The following MACROD2 variants were observed in gnomAD, a reference collection of about 807,000 sequenced individuals.
MACROD2 encodes the protein mono-ADP ribosylhydrolase 2.
Under a neutral mutation model 70.4 loss-of-function variants are expected in MACROD2, and 36 were observed. That is an observed-to-expected ratio of 0.51 (90% CI 0.39 to 0.68). MACROD2 has a LOEUF of 0.68. Ranked by LOEUF, MACROD2 falls within the 30% of genes least tolerant of loss-of-function variation. The pLI, the probability that MACROD2 is intolerant of heterozygous loss-of-function variation, is 0.00. For missense variants in MACROD2, 496 were observed against 538.4 expected, an observed-to-expected ratio of 0.92 and a Z score of 0.78; for synonymous variants, 172 against 178.8, an observed-to-expected ratio of 0.96 and a Z score of 0.30.
chr20:14,949,369 T>C (rs940748406), intron 5 of MACROD2, among the ~76,000 whole-genome samples: 8 of 152,184 alleles, frequency 5.3e-5, no homozygotes, highest in African/African-American at 1.9e-4. Flanking sequence ...TTTTAGCAAT[T>C]GCAAAGCTTT....
intron 3 of MACROD2, among the ~76,000 whole-genome samples, chr20:14,198,767 C>T (rs577676700): frequency 1.3e-5 from 2 of 152,162 alleles, no homozygotes; most frequent in East Asian, 3.9e-4. Context: ...TTCCTCTCTC[C>T]TTAAAACATG....
chr20:15,789,890 T>G (rs1274980122), intron 8 of MACROD2, among the ~76,000 whole-genome samples: 1 of 152,042 alleles, frequency 6.6e-6, no homozygotes, highest in Non-Finnish European at 1.5e-5. Context: ...ACAAAAGTGA[T>G]TCTACAGAAG....
chr20:15,105,891 G>A (rs1034269648), intron 5 of MACROD2, among the ~76,000 whole-genome samples: 7 of 152,118 alleles, frequency 4.6e-5, no homozygotes, highest in Admixed American at 2.0e-4. Flanking sequence ...ATTGAACAGC[G>A]TGGTGCCTAT....
intron 8 of MACROD2, among the ~76,000 whole-genome samples, chr20:15,681,944 A>T (rs1049488319): frequency 1.3e-5 from 2 of 152,158 alleles, no homozygotes; most frequent in African/African-American, 4.8e-5. Context: ...TCCCAAGGTG[A>T]TAGATTGGTG....
At chr20:15,670,561 T>G (rs1359169422) in intron 8 of MACROD2, among the ~76,000 whole-genome samples, 1 of 152,178 alleles carries the variant, frequency 6.6e-6, no homozygotes, top group Non-Finnish European at 1.5e-5. Flanking sequence ...ACAAATTCAT[T>G]TTTCATAAAT....
At chr20:15,519,116 T>A (rs2047613197) in intron 8 of MACROD2, among the ~76,000 whole-genome samples, 2 of 140,314 alleles carry the variant, frequency 1.4e-5, no homozygotes, top group South Asian at 2.5e-4. Context: ...CCTTCCTTCC[T>A]TCCTTTCTTT....
chr20:14,657,474 G>A (rs1477982537), intron 4 of MACROD2, among the ~76,000 whole-genome samples: 2 of 152,196 alleles, frequency 1.3e-5, no homozygotes, highest in Non-Finnish European at 2.9e-5. Flanking sequence ...ATACCAGCCA[G>A]AACTGTTACA....
At chr20:15,260,403 C>G (rs552319858) in intron 6 of MACROD2, among the ~76,000 whole-genome samples, 1 of 151,108 alleles carries the variant, frequency 6.6e-6, no homozygotes, top group African/African-American at 2.4e-5. Flanking sequence ...CTTTCTTTGC[C>G]TGACTTATTT....
chr20:15,638,036 T>G (rs2049396898), intron 8 of MACROD2, among the ~76,000 whole-genome samples: 1 of 152,204 alleles, frequency 6.6e-6, no homozygotes, highest in Non-Finnish European at 1.5e-5. Context: ...CCAGAATTTT[T>G]TTTTACGAGG....
intron 4 of MACROD2, among the ~76,000 whole-genome samples, chr20:14,586,918 A>G (rs1430830098): frequency 1.3e-5 from 2 of 151,964 alleles, no homozygotes; most frequent in Non-Finnish European, 2.9e-5. Context: ...TCTTTCAGAA[A>G]TTTCCAGGAT....
intron 8 of MACROD2, among the ~76,000 whole-genome samples, chr20:15,599,494 C>A (rs2048790333): frequency 6.6e-6 from 1 of 152,158 alleles, no homozygotes; most frequent in South Asian, 2.1e-4. Flanking sequence ...AATAACTGTT[C>A]TTGAGTAACT....
At chr20:15,987,225 A>C in intron 15 of MACROD2, 67 bp downstream of exon 15, 1 of 1,290,284 alleles carries the variant, frequency 7.8e-7, no homozygotes, top group South Asian at 1.3e-5. Flanking sequence ...CTAGAATTCA[A>C]CCATCAAAGT....
rs1260268377 is a variant in MACROD2 at position 15,882,246 on chromosome 20, T to C, written c.728-3518T>C. ...TGAGAATGATTATCCACTAGCTAAA[T>C]TGGGCACAGAAGCTTATCTCTTCTT... On this transcript the variant is annotated intron_variant, in intron 9 of 17. Transcript: ENST00000684519. Among the ~76,000 whole-genome samples the C allele has an allele frequency of 2.0e-5, 3 of 152,174 alleles. No homozygotes were observed. In the East Asian group the frequency reaches 5.8e-4, roughly 29 times the overall value.
At chr20:14,579,596 T>C (rs575110801) in intron 4 of MACROD2, among the ~76,000 whole-genome samples, 1 of 152,392 alleles carries the variant, frequency 6.6e-6, no homozygotes, top group Non-Finnish European at 1.5e-5. Flanking sequence ...TATCACATTT[T>C]GTTCTTAATA....
intron 3 of MACROD2, chr20:14,324,007 A>G (rs1167648224): frequency 6.6e-6 from 1 of 152,170 alleles, no homozygotes; most frequent in Non-Finnish European, 1.5e-5. Flanking sequence ...GATTTTTTAA[A>G]ATTTTTAGCC....
chr20:15,306,115 A>T (rs73614406), intron 6 of MACROD2, among the ~76,000 whole-genome samples: 2 of 152,120 alleles, frequency 1.3e-5, no homozygotes, highest in Non-Finnish European at 2.9e-5. Context: ...CAATTTAATG[A>T]TCAGTTTTCT....
chr20:15,541,131 G>A (rs1356200331), intron 8 of MACROD2, among the ~76,000 whole-genome samples: 2 of 152,106 alleles, frequency 1.3e-5, no homozygotes, highest in East Asian at 1.9e-4. Context: ...TTTGTGGGAG[G>A]AAATTATTAA....
intron 2 of MACROD2, among the ~76,000 whole-genome samples, chr20:14,080,695 T>C (rs933110915): frequency 1.3e-5 from 2 of 151,998 alleles, no homozygotes; most frequent in African/African-American, 4.8e-5. Flanking sequence ...CATTTTTTTT[T>C]TAGCTTTCCG....
chr20:15,812,621 A>G (rs1288668207), intron 8 of MACROD2, among the ~76,000 whole-genome samples: 4 of 152,166 alleles, frequency 2.6e-5, no homozygotes, highest in African/African-American at 9.7e-5. Context: ...AAGAATTATC[A>G]ATTCTGAAAT....
Sources: gnomAD v4.1 joint callset for allele counts (sites outside exome capture counted in the v4.1 genomes callset) on GRCh38, gnomAD v4.1.1 for gene constraint, MANE v1.5 for transcripts, NCBI Gene and HGNC (gene_info 2026-07-23, HGNC 2026-07-21) for gene names.